MAP7: variants seen among roughly 807,000 people sequenced by gnomAD.
MAP7 encodes the protein microtubule associated protein 7.
MAP7 carries 52 observed loss-of-function variants against 94.8 expected under a neutral mutation model. The observed-to-expected ratio is 0.55, with a 90% CI of 0.44 to 0.69. The LOEUF (loss-of-function observed/expected upper bound fraction) is 0.69. MAP7 is among the 30% of genes least tolerant of loss of function. The pLI, the probability that MAP7 is intolerant of heterozygous loss-of-function variation, is 0.00. For missense variants in MAP7, 940 were observed against 964.6 expected (o/e 0.97, Z 0.34); for synonymous variants, 350 against 357.0 (o/e 0.98, Z 0.22).
chr6:136,411,562 C>A, intron 3 of MAP7, 58 bp downstream of exon 3: 1 of 1,420,372 alleles, frequency 7.0e-7, no homozygotes, highest in Non-Finnish European at 9.6e-7. Context: ...TGCAAAAGAC[C>A]ACGGTATTAT....
chr6:136,360,983 C>T (rs1792527523), intron 12 of MAP7, 22 bp downstream of exon 12: 1 of 1,557,826 alleles, frequency 6.4e-7, no homozygotes, highest in African/African-American at 1.4e-5. Flanking sequence ...GGGGCCGGGG[C>T]CAGGGTGGGG....
At chr6:136,527,863 T>C (rs899413974) in intron 1 of MAP7, among the ~76,000 whole-genome samples, 1 of 152,220 alleles carries the variant, frequency 6.6e-6, no homozygotes, top group South Asian at 2.1e-4. Flanking sequence ...TCTTAAGAAC[T>C]CTTTCCCTCC....
Position 136,537,922 on chromosome 6 carries a change from C to T in MAP7, c.67+12420G>A, listed in dbSNP as rs142842861. Among the ~76,000 whole-genome samples, 5 of 152,136 alleles carry T rather than the reference C, an allele frequency of 3.3e-5. No homozygotes were observed. The East Asian group carries it at 7.7e-4, about 24-fold the overall frequency. On this transcript the variant is annotated intron_variant, in intron 1 of 17. Coordinates refer to ENST00000354570, the MANE Select transcript of MAP7 (RefSeq NM_003980.6). ...TCAGCATCCCGAGTAGCTGGGATTA[C>T]AGGCATGTGCCACCAAGCCCAGCTA...
At chr6:136,457,082 CA>C (rs1188535469) in intron 1 of MAP7, among the ~76,000 whole-genome samples, 41 of 135,012 alleles carry the variant, frequency 3.0e-4, no homozygotes, top group African/African-American at 9.8e-4. Context: ...AAAACTCAAA[CA>C]AAAAAAAATC....
In MAP7 at chr6:136,540,239, T is replaced by C. The variant is rs571550405; in HGVS notation, c.67+10103A>G. ...GAAAAGGTCGTACTTGGGTCAACTA[T>C]TTATAGACAGAAGAAACAAGGTCCA... is the stretch of plus-strand genomic sequence containing the variant. On this transcript the variant is annotated intron_variant, in intron 1 of 17. Transcript: ENST00000354570. 5.9e-5 allele frequency among the ~76,000 whole-genome samples: 9 copies of C among 152,282 alleles called. No homozygotes were observed. The East Asian group carries it at 1.7e-3, about 29-fold the overall frequency.
chr6:136,484,149 C>T (rs938829981), intron 1 of MAP7, among the ~76,000 whole-genome samples: 13 of 152,184 alleles, frequency 8.5e-5, no homozygotes, highest in African/African-American at 3.1e-4. Context: ...TCAAGTGAGT[C>T]CAGCATTCCC....
chr6:136,509,183 C>A (rs1822489783), intron 1 of MAP7, among the ~76,000 whole-genome samples: 1 of 152,236 alleles, frequency 6.6e-6, no homozygotes, highest in Non-Finnish European at 1.5e-5. Context: ...TCACTAGCCA[C>A]ATGACTGCAA....
At chr6:136,390,482 A>G (rs1780390006) in intron 3 of MAP7, among the ~76,000 whole-genome samples, 1 of 152,020 alleles carries the variant, frequency 6.6e-6, no homozygotes, top group South Asian at 2.1e-4. Context: ...GTGAAACAAC[A>G]TCTCTACTAA....
chr6:136,504,239 T>C (rs1820680886), intron 1 of MAP7, among the ~76,000 whole-genome samples: 1 of 151,942 alleles, frequency 6.6e-6, no homozygotes, highest in Admixed American at 6.6e-5. Flanking sequence ...GGAAGGGAAA[T>C]AGGGAAACAG....
intron 2 of MAP7, among the ~76,000 whole-genome samples, chr6:136,413,777 A>G (rs534580428): frequency 6.6e-6 from 1 of 152,168 alleles, no homozygotes; most frequent in East Asian, 1.9e-4. Flanking sequence ...ACACCCAGCT[A>G]ATTTTTGTAT....
chr6:136,420,971 A>G (rs1278404948), intron 2 of MAP7, among the ~76,000 whole-genome samples: 1 of 152,164 alleles, frequency 6.6e-6, no homozygotes, highest in African/African-American at 2.4e-5. Context: ...CAAGAACCTC[A>G]TGGGGTATTC....
chr6:136,516,399 C>T (rs2129040560), intron 1 of MAP7, among the ~76,000 whole-genome samples: 1 of 152,170 alleles, frequency 6.6e-6, no homozygotes, highest in South Asian at 2.1e-4. Context: ...CTCAAATGAT[C>T]CTCCCACCTT....
At chr6:136,546,845 T>A (rs1397599182) in intron 1 of MAP7, among the ~76,000 whole-genome samples, 1 of 152,192 alleles carries the variant, frequency 6.6e-6, no homozygotes, top group African/African-American at 2.4e-5. Context: ...GATGTTAGAA[T>A]TTTTTTAGAG....
chr6:136,540,811 C>T (rs1829247765), intron 1 of MAP7, among the ~76,000 whole-genome samples: 3 of 152,164 alleles, frequency 2.0e-5, no homozygotes, highest in Non-Finnish European at 4.4e-5. Context: ...GACTCCCATC[C>T]TGCAAGATTC....
In MAP7 at chr6:136,361,047, C is replaced by T; in HGVS notation, c.1659G>A (p.Arg553=). ...CTGCCTCCTCCCGCTCGCGCAGCGCCCGCTCCTCCGCCTGCCGCTGCAGCT... is the reference window on the plus strand; with the variant it reads ...CTGCCTCCTCCCGCTCGCGCAGCGCTCGCTCCTCCGCCTGCCGCTGCAGCT... ...EEQLQRQAEE[R]ALREREEAER... is the part of the protein sequence containing the mutation. Residue 553 remains arginine, a synonymous_variant, in exon 12 of 18, where the codon CGG becomes CGA. Coordinates refer to ENST00000354570, the MANE Select transcript of MAP7 (RefSeq NM_003980.6). 6.3e-7 allele frequency: 1 copy of T among 1,588,600 alleles called. No homozygotes were observed. Among genetic ancestry groups the T allele is most frequent in the South Asian group, 1.1e-5 (1 of 89,748 alleles).
At chr6:136,390,611 C>T (rs1248766316) in intron 3 of MAP7, among the ~76,000 whole-genome samples, 1 of 152,176 alleles carries the variant, frequency 6.6e-6, no homozygotes, top group Non-Finnish European at 1.5e-5. Flanking sequence ...CAAGATTGTG[C>T]CACTGCACTC....
At chr6:136,365,407 T>A (rs1794002884) in intron 10 of MAP7, among the ~76,000 whole-genome samples, 1 of 152,220 alleles carries the variant, frequency 6.6e-6, no homozygotes, top group South Asian at 2.1e-4. Context: ...AGCATCTGGT[T>A]ACCCTGGCAG....
chr6:136,395,712 A>C lies in MAP7; in HGVS notation c.245-6195T>G, dbSNP rs1217314082. 4.6e-5 allele frequency among the ~76,000 whole-genome samples: 7 copies of C among 151,990 alleles called. No individual in the cohort carries two copies. In the East Asian group the frequency reaches 1.3e-3, roughly 29 times the overall value. ...CAGGTTACATTGTAGTCTTTAATCC[A>C]TTTTGAGTTGATTTTTGCATATGGT... On this transcript the variant is annotated intron_variant, in intron 3 of 17. Coordinates refer to ENST00000354570, the MANE Select transcript of MAP7 (RefSeq NM_003980.6).
chr6:136,374,437 G>A (rs1775492059), intron 7 of MAP7, among the ~76,000 whole-genome samples: 1 of 152,138 alleles, frequency 6.6e-6, no homozygotes, highest in South Asian at 2.1e-4. Flanking sequence ...TAATAACCGG[G>A]GGCAGAGGCA....
Sources: allele counts gnomAD v4.1 joint callset (sites outside exome capture counted in the v4.1 genomes callset), GRCh38; gene constraint gnomAD v4.1.1; transcripts MANE v1.5; gene names NCBI Gene and HGNC (gene_info 2026-07-23, HGNC 2026-07-21).